Variants in FAT2 observed in about 807,000 individuals in gnomAD.
FAT2 encodes protocadherin Fat 2.
FAT2 carries 150 observed loss-of-function variants against 295.3 expected under a neutral mutation model. That is an observed-to-expected ratio of 0.51 (90% CI 0.44 to 0.58). The LOEUF (loss-of-function observed/expected upper bound fraction) is 0.58. Among genes scored for constraint, FAT2 ranks in the 20% least tolerant of loss-of-function variants. The pLI is 0.00. For synonymous variants in FAT2, 2,026 were observed against 2,150.3 expected (o/e 0.94, Z 1.60); for missense variants, 4,868 against 5,442.7 (o/e 0.89, Z 3.32).
At chr5:151,523,384 A>C (rs752437295) in intron 18 of FAT2, among the ~76,000 whole-genome samples, 1 of 152,200 alleles carries the variant, frequency 6.6e-6, no homozygotes, top group South Asian at 2.1e-4. Flanking sequence ...CCTTCTTATG[A>C]GATAGGTACT....
chr5:151,543,436 C>A lies in FAT2; in HGVS notation c.7691G>T (p.Gly2564Val), dbSNP rs757754557. The stretch of plus-strand genomic sequence containing the variant: ...CTTCACCGTGCAGAAGGCTACTCTT[C>A]CTCCTCCATCCCGAGCCATGACCTT... ...AIKVMARDGG[G>V]RVAFCTVKII... The change falls in exon 10 of 24, where the codon GGA becomes GTA. Residue 2564 changes from glycine (G) to valine (V), a missense_variant. By Grantham distance (109) the Gly-to-Val change is moderately radical. Coordinates refer to ENST00000261800, the MANE Select transcript of FAT2 (RefSeq NM_001447.3). 1 of 1,614,136 alleles carries A rather than the reference C, an allele frequency of 6.2e-7. No individual in the cohort carries two copies. Among genetic ancestry groups the A allele is most frequent in the African/African-American group, 1.3e-5 (1 of 75,024 alleles).
At chr5:151,556,759 A>G (rs1757728819) in intron 3 of FAT2, among the ~76,000 whole-genome samples, 1 of 152,210 alleles carries the variant, frequency 6.6e-6, no homozygotes, top group South Asian at 2.1e-4. Flanking sequence ...CTGTAGGCTA[A>G]TGCAAGTGTT....
intron 22 of FAT2, chr5:151,509,390 C>G (rs934006280): frequency 1.3e-5 from 2 of 152,316 alleles, no homozygotes; most frequent in African/African-American, 4.8e-5. Context: ...ACACAATGGT[C>G]CACAACCCCT....
Position 151,587,761 on chromosome 5 carries a change from G to A in FAT2, c.-21+3404C>T, listed in dbSNP as rs772025859. On this transcript the variant is annotated intron_variant, in intron 1 of 23. Transcript: ENST00000261800. The stretch of plus-strand genomic sequence containing the variant: ...AAGTGTCTATTAAGATAACAGAACC[G>A]TGTGACTTACAGGGATTAGCTTAAC... Among the ~76,000 whole-genome samples the A allele has an allele frequency of 3.0e-4, 46 of 152,154 alleles. 1 individual carries two copies. Among genetic ancestry groups the A allele is most frequent in the Non-Finnish European group, 5.0e-4 (34 of 68,040 alleles).
rs1278357416 is a variant in FAT2, at chr5:151,543,734, C to T, written c.7393G>A (p.Val2465Met). The T allele has an allele frequency of 1.9e-6, 3 of 1,614,070 alleles. No homozygotes were observed. Among genetic ancestry groups the T allele is most frequent in the Non-Finnish European group, 2.5e-6 (3 of 1,180,048 alleles). The change falls in exon 10 of 24, where the codon GTG (valine) becomes ATG (methionine). Residue 2465 changes from valine (V) to methionine (M), a missense_variant. By Grantham distance (21) the Val-to-Met change is conservative. Coordinates refer to ENST00000261800, the MANE Select transcript of FAT2 (RefSeq NM_001447.3). ...TTTGTAGTGTTGATGTACACAGGCACAGTTGCTCGGAAGACTCCATCAGAA... is the reference window on the plus strand; with the variant it reads ...TTTGTAGTGTTGATGTACACAGGCATAGTTGCTCGGAAGACTCCATCAGAA... ...GASDGVFRATVPVYINTTNAN... is the reference protein window; with the variant it reads ...GASDGVFRATMPVYINTTNAN...
intron 3 of FAT2, among the ~76,000 whole-genome samples, chr5:151,557,066 C>T (rs1000190201): frequency 1.3e-5 from 2 of 152,168 alleles, no homozygotes; most frequent in Non-Finnish European, 2.9e-5. Context: ...CGGCCCACCA[C>T]GAGCAGCCTC....
chr5:151,537,089 G>A (rs77802236), intron 12 of FAT2, among the ~76,000 whole-genome samples: 1,755 of 152,084 alleles, frequency 0.012, 31 homozygotes, highest in African/African-American at 0.039. Flanking sequence ...AAGATCCTCC[G>A]TAGCCAAAGT....
At position 151,512,116 on chromosome 5, in the gene FAT2, G is replaced by A; in HGVS notation, c.11905+49C>T. 6.4e-7 allele frequency: 1 copy of A among 1,555,650 alleles called. No homozygotes were observed. The highest frequency in any genetic ancestry group is 2.3e-5 in the East Asian group (1 of 44,110). On this transcript the variant is annotated intron_variant, in intron 21 of 23. Transcript: ENST00000261800. This position sits in a 1 kb window ranked among gnomAD's most constrained non-coding sequence, Gnocchi z 4.1. ...CCCTGACATGCTTTTCCCACCTGAAGAGCCTTCTGGGATAAACCCTGGGTT... is the reference window on the plus strand; with the variant it reads ...CCCTGACATGCTTTTCCCACCTGAAAAGCCTTCTGGGATAAACCCTGGGTT...
rs1390684998 is a variant in FAT2 at position 151,512,737 on chromosome 5, T to C, written c.11464-131A>G. On this transcript the variant is annotated intron_variant, in intron 20 of 23. Coordinates refer to ENST00000261800, the MANE Select transcript of FAT2 (RefSeq NM_001447.3). The surrounding 1 kb of genome is among the most constrained non-coding windows in gnomAD (Gnocchi z 4.1). ...GGGGGGTGTTTGGCTGTTTTAGACA[T>C]GGCATTTGCAGAGCATAAAAACCCT... 1.2e-6 allele frequency: 1 copy of C among 820,174 alleles called. No individual in the cohort carries two copies. The highest frequency in any genetic ancestry group is 2.8e-5 in the Admixed American group (1 of 35,398). The allele number at this position is 820,174 out of a possible 1,614,324, so 50.8% of individuals were successfully genotyped here.
chr5:151,513,971 T>G (rs1225210449), intron 20 of FAT2, among the ~76,000 whole-genome samples: 2 of 152,134 alleles, frequency 1.3e-5, no homozygotes, highest in Non-Finnish European at 2.9e-5. Flanking sequence ...ACCACTGGGT[T>G]AAAACATTTT....
chr5:151,566,458 T>A lies in FAT2; in HGVS notation c.2474A>T (p.Tyr825Phe). Residue 825 changes from tyrosine to phenylalanine, a missense_variant, in exon 2 of 24, where the codon TAC becomes TTC. By Grantham distance (22) the Tyr-to-Phe change is conservative (BLOSUM62 3). Around this residue, in one of 5 missense-constraint regions of FAT2, gnomAD observed 3,297 missense variants for 3,669.4 expected, o/e 0.90. Transcript: ENST00000261800. Reference sequence around the variant, plus strand: ...TGTGTCCTCCGAGATGGTTAACTGGTACCCACCGGGAGGAAATCTGGGTGC... The same window carrying A: ...TGTGTCCTCCGAGATGGTTAACTGGAACCCACCGGGAGGAAATCTGGGTGC... ...DNAPRFPPGG[Y>F]QLTISEDTEV... 1 of 1,613,544 alleles carries A rather than the reference T, an allele frequency of 6.2e-7. No individual in the cohort carries two copies. The highest frequency in any genetic ancestry group is 2.2e-5 in the East Asian group (1 of 44,868).
chr5:151,556,548 T>C (rs764172565), intron 3 of FAT2, 146 bp from the exon 4 acceptor site: 7 of 617,226 alleles, frequency 1.1e-5, no homozygotes, highest in African/African-American at 1.8e-5. Context: ...TGACTTAGGA[T>C]AGTTCAACTT....
chr5:151,544,978 C>G lies in FAT2; in HGVS notation c.6149G>C (p.Arg2050Pro). The change falls in exon 10 of 24, where the codon CGG (arginine) becomes CCG (proline). Residue 2050 changes from arginine (R) to proline (P), a missense_variant. Arg to Pro is a moderately radical substitution (Grantham distance 103). Coordinates refer to ENST00000261800, the MANE Select transcript of FAT2 (RefSeq NM_001447.3). ...VEVRDNRTPQ[R>P]VAQGLVRVSI... ...GACTCTGACCAAACCCTGAGCCACC[C>G]GCTGAGGTGTCCGATTGTCCCTCAC... is the stretch of plus-strand genomic sequence containing the variant. 6.2e-7 allele frequency: 1 copy of G among 1,614,172 alleles called. No homozygotes were observed. The highest frequency in any genetic ancestry group is 8.5e-7 in the Non-Finnish European group (1 of 1,180,030).
intron 1 of FAT2, among the ~76,000 whole-genome samples, chr5:151,571,844 C>G (rs1382543476): frequency 2.0e-5 from 3 of 152,236 alleles, no homozygotes; most frequent in Non-Finnish European, 4.4e-5. Flanking sequence ...TTAACACTTT[C>G]CAGTGGCTTC....
chr5:151,577,219 A>G (rs1758780866), intron 1 of FAT2, among the ~76,000 whole-genome samples: 2 of 152,234 alleles, frequency 1.3e-5, no homozygotes, highest in Admixed American at 1.3e-4. Flanking sequence ...GAGCCCTCAA[A>G]AGTCATAGTA....
rs375782201 is a variant in FAT2 at position 151,525,973 on chromosome 5, C to G, written c.10309-8G>C. The G allele has an allele frequency of 6.2e-7, 1 of 1,613,478 alleles. No homozygotes were observed. The highest frequency in any genetic ancestry group is 1.1e-5 in the South Asian group (1 of 90,938). On this transcript the variant is annotated splice_region_variant and splice_polypyrimidine_tract_variant and intron_variant, in intron 17 of 23. Transcript: ENST00000261800. ...GCCAATGGGGGAGTTCTCCTGAGAC[C>G]GAGAGTGACAAAGAAGGCAAAGAGC...
Position 151,529,162 on chromosome 5 carries a change from G to C in FAT2, c.10026+16C>G. The stretch of plus-strand genomic sequence containing the variant: ...AGAGTTCTTGTCCCACAAAGAGCAA[G>C]GTGGCAGATCCTTACCGTGAGGATG... On this transcript the variant is annotated intron_variant, in intron 15 of 23. Coordinates refer to ENST00000261800, the MANE Select transcript of FAT2 (RefSeq NM_001447.3). 6.2e-7 allele frequency: 1 copy of C among 1,611,190 alleles called. No homozygotes were observed. Among genetic ancestry groups the C allele is most frequent in the Non-Finnish European group, 8.5e-7 (1 of 1,177,446 alleles).
At chr5:151,559,355 A>C (rs1454883127) in intron 3 of FAT2, among the ~76,000 whole-genome samples, 2 of 152,150 alleles carry the variant, frequency 1.3e-5, no homozygotes, top group Non-Finnish European at 2.9e-5. Flanking sequence ...AGTGGAAGGA[A>C]AGACACACTC....
chr5:151,505,967 C>A lies in FAT2; in HGVS notation c.12648G>T (p.Met4216Ile). ...CCCCATAGAGGCCATTAGGCTCTGG[C>A]ATCACGACTGGGGTTGAGTGGCGGT... is the stretch of plus-strand genomic sequence containing the variant. ...SAHRHSTPVVMPEPNGLYGGF... is the reference protein window; with the variant it reads ...SAHRHSTPVVIPEPNGLYGGF... Residue 4216 changes from methionine (M) to isoleucine (I), a missense_variant, in exon 24 of 24, where the codon ATG becomes ATT. Transcript: ENST00000261800. 6.4e-7 allele frequency: 1 copy of A among 1,572,582 alleles called. No homozygotes were observed. Among genetic ancestry groups the A allele is most frequent in the South Asian group, 1.2e-5 (1 of 84,254 alleles).
Sources: allele counts gnomAD v4.1 joint callset (sites outside exome capture counted in the v4.1 genomes callset), GRCh38; gene constraint gnomAD v4.1.1; regional missense constraint gnomAD v4.1.1; non-coding constraint Gnocchi (gnomAD v3.1); transcripts MANE v1.5; gene names NCBI Gene and HGNC (gene_info 2026-07-23, HGNC 2026-07-21).